Variants in GRIK1 observed in about 807,000 individuals in gnomAD.
The protein encoded by GRIK1 is glutamate ionotropic receptor kainate type subunit 1.
GRIK1 carries 69 observed loss-of-function variants against 105.7 expected under a neutral mutation model. The ratio of observed to expected loss-of-function variants is 0.65; its 90% confidence interval spans 0.54 to 0.80. The LOEUF (loss-of-function observed/expected upper bound fraction) is 0.80. GRIK1 is among the 30% of genes least tolerant of loss of function. The probability of loss-of-function intolerance (pLI) is 0.00; values close to 1 mark genes in which losing one functional copy is unlikely to be tolerated. For synonymous variants in GRIK1, 438 were observed against 431.3 expected (o/e 1.02, Z -0.19); for missense variants, 1,109 against 1,167.3 (o/e 0.95, Z 0.73).
At chr21:29,813,205 T>G (rs2067060304) in intron 1 of GRIK1, among the ~76,000 whole-genome samples, 1 of 152,174 alleles carries the variant, frequency 6.6e-6, no homozygotes, top group Admixed American at 6.5e-5. Flanking sequence ...ATTGCTGATC[T>G]CACAAACCTG....
At chr21:29,818,785 G>A (rs1473514752) in intron 1 of GRIK1, among the ~76,000 whole-genome samples, 17 of 152,004 alleles carry the variant, frequency 1.1e-4, no homozygotes, top group Admixed American at 1.1e-3. Flanking sequence ...CAGTAGGTTT[G>A]TTTAGGAGTC....
chr21:29,582,748 T>G (rs548365729), intron 12 of GRIK1, among the ~76,000 whole-genome samples: 1 of 152,104 alleles, frequency 6.6e-6, no homozygotes, highest in Non-Finnish European at 1.5e-5. Context: ...AATGCAGTAA[T>G]TTTTAGCACT....
chr21:29,908,818 C>T (rs1433329844), intron 1 of GRIK1, among the ~76,000 whole-genome samples: 1 of 152,148 alleles, frequency 6.6e-6, no homozygotes, highest in East Asian at 1.9e-4. Flanking sequence ...CAAGATTTCT[C>T]TTTTAAGAGT....
At chr21:29,844,974 C>T (rs2146018725) in intron 1 of GRIK1, among the ~76,000 whole-genome samples, 1 of 152,254 alleles carries the variant, frequency 6.6e-6, no homozygotes, top group East Asian at 1.9e-4. Flanking sequence ...ATTTATAAGA[C>T]TGTCCACTGT....
chr21:29,579,022 A>G (rs2090958205), intron 13 of GRIK1, among the ~76,000 whole-genome samples: 1 of 152,102 alleles, frequency 6.6e-6, no homozygotes, highest in Non-Finnish European at 1.5e-5. Context: ...TTATTTGTAT[A>G]TTTGTATAAT....
At chr21:29,862,734 G>A (rs897092965) in intron 1 of GRIK1, among the ~76,000 whole-genome samples, 1 of 152,220 alleles carries the variant, frequency 6.6e-6, no homozygotes, top group Non-Finnish European at 1.5e-5. Flanking sequence ...AACATTCAGT[G>A]AAACTAAGTC....
chr21:29,664,305 A>G (rs2063020213), intron 4 of GRIK1, among the ~76,000 whole-genome samples: 1 of 152,184 alleles, frequency 6.6e-6, no homozygotes, highest in Admixed American at 6.5e-5. Context: ...AGTTCTAAGA[A>G]TTGTATCACA....
chr21:29,828,231 C>T (rs1248319149), intron 1 of GRIK1, among the ~76,000 whole-genome samples: 1 of 151,954 alleles, frequency 6.6e-6, no homozygotes, highest in Non-Finnish European at 1.5e-5. Context: ...GAGGGCACTA[C>T]ACAAGGAAGG....
chr21:29,665,701 T>C, intron 4 of GRIK1, among the ~76,000 whole-genome samples: 1 of 152,250 alleles, frequency 6.6e-6, no homozygotes, highest in East Asian at 1.9e-4. Context: ...CAAGCTTTGA[T>C]AATTTTGTTT....
At chr21:29,738,983 G>A (rs968579299) in intron 1 of GRIK1, among the ~76,000 whole-genome samples, 2 of 152,172 alleles carry the variant, frequency 1.3e-5, no homozygotes, top group African/African-American at 2.4e-5. Flanking sequence ...ATTTATGTAT[G>A]CATTCATTTA....
intron 12 of GRIK1, 23 bp from the exon 13 acceptor site, chr21:29,581,566 T>C: frequency 7.4e-7 from 1 of 1,349,416 alleles, no homozygotes; most frequent in Non-Finnish European, 1.1e-6. Flanking sequence ...ACAGAAACAG[T>C]CTGTAAATAT....
intron 1 of GRIK1, among the ~76,000 whole-genome samples, chr21:29,861,309 C>CTTTT (rs71191129): frequency 2.0e-5 from 3 of 150,596 alleles, no homozygotes; most frequent in Non-Finnish European, 1.5e-5. Flanking sequence ...TGTACTTACT[C>CTTTT]TTTTTTTTTC....
chr21:29,931,744 C>T (rs934681399), intron 1 of GRIK1, among the ~76,000 whole-genome samples: 8 of 151,974 alleles, frequency 5.3e-5, no homozygotes, highest in Admixed American at 3.3e-4. Flanking sequence ...GTTCCTAAGC[C>T]CTCTCAGCAG....
intron 16 of GRIK1, 93 bp from the exon 17 acceptor site, chr21:29,537,977 C>A: frequency 1.5e-6 from 1 of 651,398 alleles, no homozygotes; most frequent in East Asian, 2.7e-5. Flanking sequence ...CAGCTGTGGT[C>A]GAAATGAAAA....
intron 1 of GRIK1, among the ~76,000 whole-genome samples, chr21:29,927,499 T>C (rs895301467): frequency 5.3e-5 from 8 of 150,170 alleles, no homozygotes; most frequent in Non-Finnish European, 1.0e-4. Flanking sequence ...GCAATGCTTA[T>C]AATATATATA....
intron 1 of GRIK1, among the ~76,000 whole-genome samples, chr21:29,728,641 A>G (rs1005983296): frequency 6.6e-6 from 1 of 152,164 alleles, no homozygotes; most frequent in African/African-American, 2.4e-5. Flanking sequence ...TAGATTATAC[A>G]TTTCTTCAGT....
At chr21:29,742,068 T>C (rs2064944608) in intron 1 of GRIK1, among the ~76,000 whole-genome samples, 1 of 152,220 alleles carries the variant, frequency 6.6e-6, no homozygotes, top group African/African-American at 2.4e-5. Context: ...CTCTTAACCA[T>C]ATGCCTTCAA....
chr21:29,758,242 G>C (rs1017564419), intron 1 of GRIK1, among the ~76,000 whole-genome samples: 1 of 152,192 alleles, frequency 6.6e-6, no homozygotes, highest in Non-Finnish European at 1.5e-5. Flanking sequence ...GTGTTAGTCT[G>C]TTCTCGCGCT....
intron 1 of GRIK1, among the ~76,000 whole-genome samples, chr21:29,798,541 A>G (rs2066617403): frequency 6.6e-6 from 1 of 152,228 alleles, no homozygotes; most frequent in Non-Finnish European, 1.5e-5. Context: ...AGTGAATTCC[A>G]GTCTTAACAT....
Sources: allele counts gnomAD v4.1 joint callset (sites outside exome capture counted in the v4.1 genomes callset), GRCh38; gene constraint gnomAD v4.1.1; transcripts MANE v1.5; gene names NCBI Gene and HGNC (gene_info 2026-07-23, HGNC 2026-07-21).